ZDHHC7: variants seen among roughly 807,000 people sequenced by gnomAD.
ZDHHC7 encodes the protein palmitoyltransferase ZDHHC7.
ZDHHC7 carries 12 observed loss-of-function variants against 34.1 expected under a neutral mutation model. The observed-to-expected ratio is 0.35, with a 90% CI of 0.23 to 0.57. The LOEUF is 0.57. Among genes scored for constraint, ZDHHC7 ranks in the 20% least tolerant of loss-of-function variants. The pLI is 0.84. For missense variants in ZDHHC7, 388 were observed against 402.7 expected (o/e 0.96, Z 0.31); for synonymous variants, 185 against 155.4 (o/e 1.19, Z -1.42).
At chr16:84,996,058 CGT>C (rs1491526439) in intron 1 of ZDHHC7, 51 bp from the exon 2 acceptor site, 18 of 152,104 alleles carry the variant, frequency 1.2e-4, no homozygotes, top group East Asian at 3.9e-4. Flanking sequence ...TTATGACAGA[CGT>C]GTGTCATATT....
At chr16:84,978,128 G>C in intron 5 of ZDHHC7, 123 bp from the exon 6 acceptor site, 2 of 640,056 alleles carry the variant, frequency 3.1e-6, no homozygotes, top group Admixed American at 3.2e-5. Context: ...ACCTCCGCCT[G>C]CCAGACTCAA....
At chr16:85,026,380 C>G in the ZDHHC7 span, among the ~76,000 whole-genome samples, 1 of 152,090 alleles carries the variant, frequency 6.6e-6, no homozygotes, top group Non-Finnish European at 1.5e-5. Context: ...GGGTATTGGA[C>G]ACAAACTGAA....
intron 1 of ZDHHC7, among the ~76,000 whole-genome samples, chr16:85,002,497 G>A (rs908812350): frequency 2.6e-4 from 39 of 152,016 alleles, no homozygotes; most frequent in Admixed American, 7.9e-4. Context: ...CCCAAGAGAA[G>A]AGCATCCTAC....
rs559981840 is a variant in ZDHHC7 at position 84,974,897 on chromosome 16, A to G, written c.*1446T>C. ...AGAAGCCCTGATTCGGATGGGGTAC[A>G]GAGTAATTAAAAACAAAAAACAGTT... On this transcript the variant is annotated 3_prime_UTR_variant, in exon 8 of 8. Coordinates refer to ENST00000313732, the MANE Select transcript of ZDHHC7 (RefSeq NM_017740.3). 2 of 152,810 alleles carry G rather than the reference A, an allele frequency of 1.3e-5. No homozygotes were observed. The highest frequency in any genetic ancestry group is 3.9e-4 in the East Asian group (2 of 5,190). 9.5% of individuals were successfully genotyped at this position (152,810 alleles called of 1,614,324 possible).
chr16:85,027,532 C>G, the ZDHHC7 span, among the ~76,000 whole-genome samples: 1 of 152,230 alleles, frequency 6.6e-6, no homozygotes, highest in African/African-American at 2.4e-5. Flanking sequence ...CCACTCCTCC[C>G]AGAGTCCGAG....
chr16:85,009,866 G>A (rs1404753505), intron 1 of ZDHHC7, among the ~76,000 whole-genome samples: 1 of 151,604 alleles, frequency 6.6e-6, no homozygotes, highest in African/African-American at 2.4e-5. Flanking sequence ...CCACCACCAT[G>A]CCCAGCTAAT....
chr16:84,998,150 G>T (rs889391628), intron 1 of ZDHHC7, among the ~76,000 whole-genome samples: 1 of 151,142 alleles, frequency 6.6e-6, no homozygotes, highest in Non-Finnish European at 1.5e-5. Flanking sequence ...TGCAGTCCCA[G>T]CTACTCGGGA....
the ZDHHC7 span, among the ~76,000 whole-genome samples, chr16:85,021,462 G>C: frequency 3.4e-5 from 5 of 146,996 alleles, no homozygotes; most frequent in Admixed American, 2.8e-4. Flanking sequence ...TAATCCCAGA[G>C]CTTTGGGAGG....
upstream of ZDHHC7, among the ~76,000 whole-genome samples, chr16:85,012,685 A>T (rs189680284): frequency 7.2e-5 from 11 of 152,226 alleles, no homozygotes; most frequent in African/African-American, 2.6e-4. Flanking sequence ...CAGGCAGATC[A>T]CCTGAGGTCA....
intron 1 of ZDHHC7, among the ~76,000 whole-genome samples, chr16:85,008,904 C>A (rs112829882): frequency 0.17 from 25,996 of 151,438 alleles, 3,178 homozygotes; most frequent in East Asian, 0.33. Context: ...AATTAGCCAG[C>A]CACGGTGGCT....
chr16:84,987,419 G>T (rs148781272), intron 3 of ZDHHC7, among the ~76,000 whole-genome samples: 1 of 152,152 alleles, frequency 6.6e-6, no homozygotes, highest in African/African-American at 2.4e-5. Flanking sequence ...AATGTAAAAT[G>T]GTGTGGATGC....
At chr16:85,007,282 G>A (rs568620745) in intron 1 of ZDHHC7, among the ~76,000 whole-genome samples, 3 of 151,938 alleles carry the variant, frequency 2.0e-5, no homozygotes, top group East Asian at 1.9e-4. Flanking sequence ...AATTAGCCGG[G>A]CATGATGGTG....
At chr16:84,989,046 AG>A (rs1392346620) in intron 3 of ZDHHC7, among the ~76,000 whole-genome samples, 22 of 152,220 alleles carry the variant, frequency 1.4e-4, no homozygotes, top group Admixed American at 2.6e-4. Context: ...TGGCTCCTAG[AG>A]GGAGACCTGC....
intron 1 of ZDHHC7, among the ~76,000 whole-genome samples, chr16:85,000,744 G>T (rs529705239): frequency 7.9e-5 from 12 of 152,280 alleles, no homozygotes; most frequent in Admixed American, 7.8e-4. Context: ...GTTGGGGGGT[G>T]AGCATCCAAG....
intron 1 of ZDHHC7, among the ~76,000 whole-genome samples, chr16:85,008,614 G>A (rs60782040): frequency 0.35 from 52,397 of 151,774 alleles, 10,436 homozygotes; most frequent in African/African-American, 0.54. Flanking sequence ...GCACAGTCCA[G>A]CTAAACTCTT....
chr16:84,992,780 T>C (rs1157860284), intron 2 of ZDHHC7, among the ~76,000 whole-genome samples: 1 of 152,174 alleles, frequency 6.6e-6, no homozygotes, highest in African/African-American at 2.4e-5. Flanking sequence ...TTCTCAGAGG[T>C]CAGGTCACTA....
chr16:84,998,914 C>T (rs1425961101), intron 1 of ZDHHC7, among the ~76,000 whole-genome samples: 1 of 152,048 alleles, frequency 6.6e-6, no homozygotes, highest in Non-Finnish European at 1.5e-5. Context: ...CCACCACTCC[C>T]AGCTAATTTT....
chr16:85,005,842 C>A (rs914833282), intron 1 of ZDHHC7, among the ~76,000 whole-genome samples: 1 of 152,204 alleles, frequency 6.6e-6, no homozygotes, highest in Admixed American at 6.5e-5. Context: ...CAGTGACATT[C>A]CTCATGCAAC....
Position 84,979,262 on chromosome 16 carries a change from T to C in ZDHHC7, c.464A>G (p.Lys155Arg). Residue 155 changes from lysine to arginine, a missense_variant, in exon 5 of 8, where the codon AAA (lysine) becomes AGA (arginine). Transcript: ENST00000313732. ...CACCCACGGGCAGTGATGATCCATT[T>C]TCCGAATACATCTTTTGCAAATACT... ...HCSICKRCIRKMDHHCPWVNN... is the reference protein window; with the variant it reads ...HCSICKRCIRRMDHHCPWVNN... 6.2e-7 allele frequency: 1 copy of C among 1,609,784 alleles called. No homozygotes were observed. Among genetic ancestry groups the C allele is most frequent in the Non-Finnish European group, 8.5e-7 (1 of 1,179,376 alleles).
Sources: gnomAD v4.1 joint callset for allele counts (sites outside exome capture counted in the v4.1 genomes callset) on GRCh38, gnomAD v4.1.1 for gene constraint, MANE v1.5 for transcripts, NCBI Gene and HGNC (gene_info 2026-07-23, HGNC 2026-07-21) for gene names.